EPHA6: variants seen among roughly 807,000 people sequenced by gnomAD.
EPHA6 encodes the protein ephrin type-A receptor 6.
A neutral mutation model predicts 112.0 loss-of-function variants in EPHA6; 50 were observed. The observed-to-expected ratio is 0.45, with a 90% CI of 0.36 to 0.56. EPHA6 has a LOEUF of 0.56. Ranked by LOEUF, EPHA6 falls within the 20% of genes least tolerant of loss-of-function variation. The pLI is 0.00. For missense variants in EPHA6, 1,280 were observed against 1,417.4 expected (o/e 0.90, Z 1.56); for synonymous variants, 529 against 490.7 (o/e 1.08, Z -1.03).
At chr3:96,832,771 C>T (rs1185503009) in intron 1 of EPHA6, among the ~76,000 whole-genome samples, 2 of 151,906 alleles carry the variant, frequency 1.3e-5, no homozygotes, top group Non-Finnish European at 2.9e-5. Flanking sequence ...TTTTAAGCAA[C>T]TTGGATTTTA....
chr3:97,416,574 T>C (rs1255579172), intron 6 of EPHA6, among the ~76,000 whole-genome samples: 1 of 152,060 alleles, frequency 6.6e-6, no homozygotes, highest in African/African-American at 2.4e-5. Context: ...GGCTTGAATA[T>C]AGTAAGGAAG....
intron 15 of EPHA6, among the ~76,000 whole-genome samples, chr3:97,729,575 G>A (rs944116472): frequency 1.3e-5 from 2 of 152,072 alleles, no homozygotes; most frequent in African/African-American, 2.4e-5. Flanking sequence ...TTCCTCCCAC[G>A]ACATGTGGGG....
Position 97,047,869 on chromosome 3 carries a change from C to T in EPHA6, c.1114+59876C>T, listed in dbSNP as rs138478972. The stretch of plus-strand genomic sequence containing the variant: ...ACTGGAGAAATGCTGTAGTTGATGT[C>T]GATTTGAGCAAGACATTTGGCAGTC... On this transcript the variant is annotated intron_variant, in intron 3 of 17. Coordinates refer to ENST00000389672, the MANE Select transcript of EPHA6 (RefSeq NM_001080448.3). 6.6e-3 allele frequency among the ~76,000 whole-genome samples: 1,000 copies of T among 152,034 alleles called. 16 individuals are homozygous for T. Among genetic ancestry groups the T allele is most frequent in the African/African-American group, 0.022 (917 of 41,480 alleles).
intron 3 of EPHA6, among the ~76,000 whole-genome samples, chr3:97,215,967 G>A (rs1408476866): frequency 6.6e-6 from 1 of 152,072 alleles, no homozygotes; most frequent in Non-Finnish European, 1.5e-5. Context: ...AGGAATAAGG[G>A]TATATGGAAT....
intron 5 of EPHA6, among the ~76,000 whole-genome samples, chr3:97,292,361 A>G (rs1169255241): frequency 1.3e-5 from 2 of 152,028 alleles, no homozygotes; most frequent in African/African-American, 4.8e-5. Flanking sequence ...TTATGTTACA[A>G]CTCTTTCCGT....
Position 97,752,487 on chromosome 3 carries a change from CCTCT to C in EPHA6, c.*3791_*3794del, listed in dbSNP as rs561540256. 4.1e-5 allele frequency: 9 copies of C among 220,802 alleles called. No homozygotes were observed. The highest frequency in any genetic ancestry group is 7.3e-5 in the Non-Finnish European group (8 of 110,246). The allele number at this position is 220,802 out of a possible 1,614,324, so 13.7% of individuals were successfully genotyped here. On this transcript the variant is annotated 3_prime_UTR_variant, in exon 18 of 18. Coordinates refer to ENST00000389672, the MANE Select transcript of EPHA6 (RefSeq NM_001080448.3). ...TCAGCCCTGTTTTTAATTCCCCCATCCTCTCTCTTTATTCCTTTCTCAGCTTCTA... is the reference window on the plus strand; with the variant it reads ...TCAGCCCTGTTTTTAATTCCCCCATCCTCTTTATTCCTTTCTCAGCTTCTA...
chr3:97,624,881 G>A (rs1442402536), intron 13 of EPHA6, among the ~76,000 whole-genome samples: 1 of 151,100 alleles, frequency 6.6e-6, no homozygotes, highest in Non-Finnish European at 1.5e-5. Context: ...TATTTCTGTA[G>A]AATTGGTAGT....
At chr3:96,872,333 TC>T in intron 2 of EPHA6, among the ~76,000 whole-genome samples, 1 of 152,012 alleles carries the variant, frequency 6.6e-6, no homozygotes, top group Non-Finnish European at 1.5e-5. Flanking sequence ...TCCTTGTGGC[TC>T]CTGTGACAAG....
chr3:96,916,692 TA>T (rs1463348514), intron 2 of EPHA6, among the ~76,000 whole-genome samples: 1 of 152,124 alleles, frequency 6.6e-6, no homozygotes, highest in Admixed American at 6.6e-5. Flanking sequence ...AAGTTGGGCC[TA>T]ATATCATAGA....
chr3:96,924,588 A>G (rs191818756), intron 2 of EPHA6, among the ~76,000 whole-genome samples: 5 of 152,250 alleles, frequency 3.3e-5, no homozygotes, highest in African/African-American at 9.6e-5. Context: ...ACCATCTGCA[A>G]ACAAAGATAG....
At chr3:96,915,269 G>T (rs944584978) in intron 2 of EPHA6, among the ~76,000 whole-genome samples, 2 of 151,914 alleles carry the variant, frequency 1.3e-5, no homozygotes, top group African/African-American at 4.8e-5. Flanking sequence ...TTCTTTATAT[G>T]TATTAACTAT....
In EPHA6 at chr3:97,659,048, A is replaced by G. The variant is rs570899273; in HGVS notation, c.2784+20966A>G. Among the ~76,000 whole-genome samples the G allele has an allele frequency of 9.2e-5, 14 of 152,150 alleles. No individual in the cohort carries two copies. The South Asian group carries it at 2.7e-3, about 29-fold the overall frequency. On this transcript the variant is annotated intron_variant, in intron 14 of 17. Coordinates refer to ENST00000389672, the MANE Select transcript of EPHA6 (RefSeq NM_001080448.3). Reference sequence around the variant, plus strand: ...TAGTATGTATATTTATTAAAGCTTAATAACTCTGAACTATTTACCCAGAGA... The same window carrying G: ...TAGTATGTATATTTATTAAAGCTTAGTAACTCTGAACTATTTACCCAGAGA...
intron 1 of EPHA6, among the ~76,000 whole-genome samples, chr3:96,862,045 G>T (rs1048893877): frequency 6.6e-6 from 1 of 151,792 alleles, no homozygotes; most frequent in African/African-American, 2.4e-5. Context: ...GAAATATACA[G>T]TGATGTTAAA....
At chr3:97,500,497 G>A (rs1040741317) in intron 10 of EPHA6, among the ~76,000 whole-genome samples, 36 of 152,042 alleles carry the variant, frequency 2.4e-4, no homozygotes, top group African/African-American at 7.7e-4. Flanking sequence ...ACCAGATCTC[G>A]CTATTATGAG....
chr3:97,196,987 A>G (rs1321394403), intron 3 of EPHA6, among the ~76,000 whole-genome samples: 2 of 151,924 alleles, frequency 1.3e-5, no homozygotes, highest in Admixed American at 6.6e-5. Flanking sequence ...CCTGGCTACC[A>G]CCAATATTCA....
chr3:97,208,526 G>C (rs143143413), intron 3 of EPHA6, among the ~76,000 whole-genome samples: 1 of 152,034 alleles, frequency 6.6e-6, no homozygotes, highest in Admixed American at 6.6e-5. Context: ...TGGGTGGATT[G>C]CCTGAGCTCA....
At chr3:97,487,375 A>G (rs889143895) in intron 10 of EPHA6, among the ~76,000 whole-genome samples, 1 of 152,246 alleles carries the variant, frequency 6.6e-6, no homozygotes, top group Non-Finnish European at 1.5e-5. Context: ...AAAAAGCATG[A>G]TATCACACCT....
chr3:97,203,021 G>A (rs1419509627), intron 3 of EPHA6, among the ~76,000 whole-genome samples: 2 of 152,082 alleles, frequency 1.3e-5, no homozygotes, highest in Non-Finnish European at 2.9e-5. Flanking sequence ...AGTTGGAGAG[G>A]TAGGCAGGGG....
chr3:97,261,604 T>C (rs1248395104), intron 5 of EPHA6, among the ~76,000 whole-genome samples: 2 of 152,212 alleles, frequency 1.3e-5, no homozygotes, highest in Non-Finnish European at 2.9e-5. Context: ...CAACAGCTTT[T>C]TCTTTAAGTG....
Sources: gnomAD v4.1 joint callset for allele counts (sites outside exome capture counted in the v4.1 genomes callset) on GRCh38, gnomAD v4.1.1 for gene constraint, MANE v1.5 for transcripts, NCBI Gene and HGNC (gene_info 2026-07-23, HGNC 2026-07-21) for gene names.